The following AHI1 variants were observed in gnomAD, a reference collection of about 807,000 sequenced individuals.
AHI1 encodes Abelson helper integration site 1.
In AHI1, 123 loss-of-function variants were observed where a neutral mutation model predicts 149.3. That is an observed-to-expected ratio of 0.82 (90% CI 0.71 to 0.96). The LOEUF (loss-of-function observed/expected upper bound fraction) is 0.96. Ranked by LOEUF, AHI1 falls within the 40% of genes least tolerant of loss-of-function variation. The pLI is 0.00. For missense variants in AHI1, 1,439 were observed against 1,422.7 expected (o/e 1.01, Z -0.18); for synonymous variants, 475 against 459.8 (o/e 1.03, Z -0.42).
chr6:135,365,981 C>T (rs1456149773), intron 23 of AHI1, among the ~76,000 whole-genome samples: 1 of 152,112 alleles, frequency 6.6e-6, no homozygotes, highest in Non-Finnish European at 1.5e-5. Flanking sequence ...TAAGGTATGT[C>T]CCTTCTACAT....
At chr6:135,483,101 T>C (rs1441878128) in intron 5 of AHI1, among the ~76,000 whole-genome samples, 1 of 151,464 alleles carries the variant, frequency 6.6e-6, no homozygotes, top group East Asian at 1.9e-4. Context: ...GGTTTCACTA[T>C]GTTGGCCAGG....
intron 26 of AHI1, among the ~76,000 whole-genome samples, chr6:135,312,756 A>C (rs1458171860): frequency 6.6e-6 from 1 of 152,208 alleles, no homozygotes; most frequent in Non-Finnish European, 1.5e-5. Flanking sequence ...CGAACTTCTT[A>C]TAGCTTCCCG....
At chr6:135,391,416 A>G (rs1269188245) in intron 23 of AHI1, among the ~76,000 whole-genome samples, 2 of 152,152 alleles carry the variant, frequency 1.3e-5, no homozygotes, top group African/African-American at 4.8e-5. Flanking sequence ...CTCACAACCT[A>G]GATCCCTACG....
intron 23 of AHI1, among the ~76,000 whole-genome samples, chr6:135,370,599 T>G (rs1562599598): frequency 6.6e-6 from 1 of 152,236 alleles, no homozygotes; most frequent in South Asian, 2.1e-4. Context: ...TTTAAGTGAC[T>G]GTTTGTCTTT....
intron 27 of AHI1, among the ~76,000 whole-genome samples, chr6:135,298,574 A>G (rs549073289): frequency 6.6e-6 from 1 of 152,226 alleles, no homozygotes; most frequent in East Asian, 1.9e-4. Flanking sequence ...TCCACCATCA[A>G]CTCGCCTACA....
rs192928582 is a variant in AHI1 at position 135,352,166 on chromosome 6, G to A, written c.3165+5966C>T. On this transcript the variant is annotated intron_variant, in intron 24 of 28. Coordinates refer to ENST00000265602, the MANE Select transcript of AHI1 (RefSeq NM_001134831.2). ...GCCACCACCTGCAATTTCATGAGCT[G>A]CTTTTATTTTAATCCTTTTAAAACA... Among the ~76,000 whole-genome samples, 139 of 152,236 alleles carry A rather than the reference G, an allele frequency of 9.1e-4. 2 individuals are homozygous for A. The highest frequency in any genetic ancestry group is 3.0e-3 in the African/African-American group (123 of 41,552).
chr6:135,491,295 T>C (rs1200092116), intron 4 of AHI1, among the ~76,000 whole-genome samples: 1 of 152,216 alleles, frequency 6.6e-6, no homozygotes, highest in Non-Finnish European at 1.5e-5. Context: ...CCATACCTCC[T>C]GATCTATCTC....
intron 26 of AHI1, chr6:135,302,216 T>TA: frequency 1.0e-6 from 1 of 985,364 alleles, no homozygotes; most frequent in Non-Finnish European, 1.2e-6. Flanking sequence ...ACCAGCAACT[T>TA]ACCATCAATA....
intron 9 of AHI1, among the ~76,000 whole-genome samples, chr6:135,456,728 T>G (rs2128079441): frequency 6.6e-6 from 1 of 152,302 alleles, no homozygotes; most frequent in Non-Finnish European, 1.5e-5. Context: ...TAAAAAATTC[T>G]AGTATAAATG....
intron 22 of AHI1, among the ~76,000 whole-genome samples, chr6:135,401,206 G>T (rs754351384): frequency 1.3e-5 from 2 of 152,116 alleles, no homozygotes; most frequent in African/African-American, 2.4e-5. Context: ...CCATCCTCTT[G>T]AGAGTAGCTT....
At chr6:135,377,067 G>C (rs1015656768) in intron 23 of AHI1, among the ~76,000 whole-genome samples, 3 of 151,936 alleles carry the variant, frequency 2.0e-5, no homozygotes, top group African/African-American at 7.3e-5. Flanking sequence ...AAAACTGCTT[G>C]AGACTTATTT....
Position 135,463,707 on chromosome 6 carries a change from C to T in AHI1, c.750-401G>A, listed in dbSNP as rs376611161. On this transcript the variant is annotated intron_variant, in intron 7 of 28. Coordinates refer to ENST00000265602, the MANE Select transcript of AHI1 (RefSeq NM_001134831.2). Reference sequence around the variant, plus strand: ...GTATAAAAAGTATTCTAGGTTTGTTCCGTCTTCAAGAGGCTTCACATGCAC... The same window carrying T: ...GTATAAAAAGTATTCTAGGTTTGTTTCGTCTTCAAGAGGCTTCACATGCAC... 8.5e-4 allele frequency among the ~76,000 whole-genome samples: 129 copies of T among 152,108 alleles called. 1 individual carries two copies. In the South Asian group the frequency reaches 0.025, roughly 30 times the overall value.
rs565747440 is a variant in AHI1, at chr6:135,458,591, G to T, written c.932-878C>A. ...GGACCAAGAGCAACTTTTCATCTGG[G>T]GTCATCTACCAATTCTGGTCACAGT... On this transcript the variant is annotated intron_variant, in intron 8 of 28. Transcript: ENST00000265602. Among the ~76,000 whole-genome samples, 359 of 152,200 alleles carry T rather than the reference G, an allele frequency of 2.4e-3. 4 individuals are homozygous for T. The highest frequency in any genetic ancestry group is 5.0e-4 in the Non-Finnish European group (34 of 68,014).
chr6:135,452,158 T>C (rs1788223176), intron 11 of AHI1, among the ~76,000 whole-genome samples: 1 of 152,232 alleles, frequency 6.6e-6, no homozygotes, highest in Non-Finnish European at 1.5e-5. Flanking sequence ...GGAGGGCAGC[T>C]ATATACAATG....
intron 24 of AHI1, among the ~76,000 whole-genome samples, chr6:135,340,670 T>TATATACACATACATAC (rs1554283241): frequency 4.9e-5 from 6 of 123,108 alleles, no homozygotes; most frequent in African/African-American, 1.8e-4. Context: ...TATATATATA[T>TATATACACATACATAC]ATATATATAT....
At chr6:135,457,815 C>G (rs1583327283) in intron 8 of AHI1, 102 bp from the exon 9 acceptor site, 2 of 1,104,994 alleles carry the variant, frequency 1.8e-6, no homozygotes, top group East Asian at 4.8e-5. Flanking sequence ...TCACTGTGTT[C>G]AAAGGAACTT....
intron 21 of AHI1, among the ~76,000 whole-genome samples, chr6:135,410,303 G>A (rs547595418): frequency 1.3e-5 from 2 of 152,250 alleles, no homozygotes; most frequent in East Asian, 1.9e-4. Context: ...CCAGGCGTTC[G>A]AGACTGCAGT....
intron 15 of AHI1, among the ~76,000 whole-genome samples, chr6:135,438,096 T>C (rs1785683120): frequency 6.6e-6 from 1 of 152,138 alleles, no homozygotes; most frequent in Non-Finnish European, 1.5e-5. Flanking sequence ...TAATAACCCC[T>C]AACCCCATCT....
chr6:135,403,603 T>G (rs1780326560), intron 22 of AHI1, among the ~76,000 whole-genome samples: 1 of 152,180 alleles, frequency 6.6e-6, no homozygotes, highest in African/African-American at 2.4e-5. Context: ...GCAGTACATT[T>G]GTTAAATAAA....
Sources: gnomAD v4.1 joint callset for allele counts (sites outside exome capture counted in the v4.1 genomes callset) on GRCh38, gnomAD v4.1.1 for gene constraint, MANE v1.5 for transcripts, NCBI Gene and HGNC (gene_info 2026-07-23, HGNC 2026-07-21) for gene names.